Variants in KAT6A observed in about 807,000 individuals in gnomAD.
The protein encoded by KAT6A is lysine acetyltransferase 6A, also known as histone acetyltransferase KAT6A.
A neutral mutation model predicts 198.4 loss-of-function variants in KAT6A; 9 were observed. The ratio of observed to expected loss-of-function variants is 0.05; its 90% CI spans 0.03 to 0.08. The LOEUF is 0.08. Among genes scored for constraint, KAT6A ranks in the 10% least tolerant of loss-of-function variants. The pLI, the probability that KAT6A is intolerant of heterozygous loss-of-function variation, is 1.00. For missense variants in KAT6A, 2,077 were observed against 2,509.9 expected (o/e 0.83, Z 3.69); for synonymous variants, 890 against 883.0 (o/e 1.01, Z -0.14).
chr8:41,933,398 G>T lies in KAT6A; in HGVS notation c.4822C>A (p.Gln1608Lys). The T allele has an allele frequency of 6.2e-7, 1 of 1,608,790 alleles. No homozygotes were observed. ...LTQSSCVVTQ[Q>K]MASMGSSCSM... is the part of the protein sequence containing the mutation. ...CAGCTGCTGCCCATGCTGGCCATCT[G>T]CTGAGTGACCACACAGCTGCTCTGG... is the stretch of plus-strand genomic sequence containing the variant. The change falls in exon 17 of 17, where the codon CAG (glutamine) becomes AAG (lysine). Residue 1608 changes from glutamine to lysine, a missense_variant. By Grantham distance (53) the Gln-to-Lys change is moderately conservative. Coordinates refer to ENST00000265713, the MANE Select transcript of KAT6A (RefSeq NM_006766.5). The surrounding 1 kb of genome is among the most constrained non-coding windows in gnomAD (Gnocchi z 6.2).
At chr8:41,955,550 A>AT (rs1167384216) in intron 8 of KAT6A, 139 bp from the exon 9 acceptor site, 10 of 590,558 alleles carry the variant, frequency 1.7e-5, no homozygotes, top group Admixed American at 3.4e-5. Context: ...AAGCTAACAT[A>AT]TTTTGAAATA....
intron 2 of KAT6A, among the ~76,000 whole-genome samples, chr8:42,044,790 G>A (rs1393592006): frequency 1.3e-5 from 2 of 152,162 alleles, no homozygotes; most frequent in Non-Finnish European, 2.9e-5. Flanking sequence ...GGTGCTCAAT[G>A]ACTATATGCT....
chr8:41,985,840 GGTT>G (rs1367753653), intron 3 of KAT6A, among the ~76,000 whole-genome samples: 1 of 152,108 alleles, frequency 6.6e-6, no homozygotes, highest in Non-Finnish European at 1.5e-5. Context: ...ACTAAATCAT[GGTT>G]GTTATCACTA....
At chr8:42,007,719 T>C (rs1209735343) in intron 2 of KAT6A, among the ~76,000 whole-genome samples, 1 of 152,092 alleles carries the variant, frequency 6.6e-6, no homozygotes, top group Non-Finnish European at 1.5e-5. Context: ...TCCCAGGGCT[T>C]TGGGAGGCCA....
At chr8:41,979,601 T>C (rs755624396) in intron 5 of KAT6A, among the ~76,000 whole-genome samples, 33 of 152,034 alleles carry the variant, frequency 2.2e-4, no homozygotes, top group Admixed American at 7.9e-4. Context: ...AAACCTTTCT[T>C]AGGACTCTTA....
chr8:42,051,174 G>A (rs1167843576), intron 1 of KAT6A, among the ~76,000 whole-genome samples: 1 of 152,154 alleles, frequency 6.6e-6, no homozygotes, highest in East Asian at 1.9e-4. Context: ...CTGGGGGCCG[G>A]CTCGAGGGCG....
At chr8:41,965,697 G>C (rs1332872298) in intron 8 of KAT6A, among the ~76,000 whole-genome samples, 2 of 152,190 alleles carry the variant, frequency 1.3e-5, no homozygotes, top group Admixed American at 1.3e-4. Context: ...TTTGAGATAA[G>C]ACAGGGTGGA....
At chr8:42,048,056 G>T (rs1022512819) in intron 2 of KAT6A, among the ~76,000 whole-genome samples, 1 of 151,596 alleles carries the variant, frequency 6.6e-6, no homozygotes, top group Admixed American at 6.6e-5. Context: ...AAAGTCTCAC[G>T]CTGGAGTACT....
At chr8:41,951,755 G>A (rs975623638) in intron 9 of KAT6A, among the ~76,000 whole-genome samples, 2 of 152,188 alleles carry the variant, frequency 1.3e-5, no homozygotes, top group Non-Finnish European at 2.9e-5. Flanking sequence ...AGTACCTTCT[G>A]GCTTCTGAAC....
chr8:42,028,667 T>TA (rs995396083), intron 2 of KAT6A, among the ~76,000 whole-genome samples: 1 of 152,066 alleles, frequency 6.6e-6, no homozygotes, highest in Non-Finnish European at 1.5e-5. Context: ...AATTGGGTCT[T>TA]AAAAAAAATC....
At position 41,934,921 on chromosome 8, in the gene KAT6A, G is replaced by C. The variant is rs1025680367; in HGVS notation, c.3353-54C>G. 5.0e-6 allele frequency: 7 copies of C among 1,392,588 alleles called. No homozygotes were observed. The African/African-American group carries it at 1.0e-4, about 20-fold the overall frequency. The allele number at this position is 1,392,588 out of a possible 1,614,324, so 86.3% of individuals were successfully genotyped here. A position where few individuals can be genotyped will look rare whatever the true frequency, so the allele number is the denominator to read the frequency against. On this transcript the variant is annotated intron_variant, in intron 16 of 16. Transcript: ENST00000265713. ...AGGTTACAAGGTCTTACATTTTCTAGTTCCTTCTTCCAAGACTAGCATATA... is the reference window on the plus strand; with the variant it reads ...AGGTTACAAGGTCTTACATTTTCTACTTCCTTCTTCCAAGACTAGCATATA...
intron 2 of KAT6A, among the ~76,000 whole-genome samples, chr8:42,028,293 T>A (rs1247412782): frequency 1.3e-5 from 2 of 152,216 alleles, no homozygotes; most frequent in Non-Finnish European, 2.9e-5. Flanking sequence ...TTGCTGATTT[T>A]CTGCACAGCT....
At chr8:42,031,493 A>G (rs1827121718) in intron 2 of KAT6A, among the ~76,000 whole-genome samples, 1 of 152,084 alleles carries the variant, frequency 6.6e-6, no homozygotes, top group Admixed American at 6.6e-5. Flanking sequence ...TGATGGTTTC[A>G]ATTATAAAAA....
intron 8 of KAT6A, among the ~76,000 whole-genome samples, chr8:41,956,548 AG>A (rs1444588710): frequency 1.3e-5 from 2 of 152,210 alleles, no homozygotes; most frequent in African/African-American, 2.4e-5. Flanking sequence ...ATCCGTTTAA[AG>A]AAGCCTCTTC....
chr8:42,003,506 C>G (rs1303431120), intron 2 of KAT6A, among the ~76,000 whole-genome samples: 1 of 151,338 alleles, frequency 6.6e-6, no homozygotes, highest in Non-Finnish European at 1.5e-5. Flanking sequence ...AAGTTATTAC[C>G]TTGGTGTTAC....
chr8:42,004,767 A>G (rs1050647389), intron 2 of KAT6A, among the ~76,000 whole-genome samples: 12 of 152,190 alleles, frequency 7.9e-5, no homozygotes, highest in African/African-American at 2.9e-4. Flanking sequence ...CTCTAATAAA[A>G]ATACAAAAAT....
chr8:41,938,280 C>T (rs1821945786), intron 15 of KAT6A, among the ~76,000 whole-genome samples: 3 of 152,212 alleles, frequency 2.0e-5, no homozygotes, highest in Non-Finnish European at 2.9e-5. Context: ...CCAGTCAAAG[C>T]ATTTATTCAT....
chr8:41,981,311 CCTT>C (rs1036750107), intron 4 of KAT6A, among the ~76,000 whole-genome samples: 10 of 152,030 alleles, frequency 6.6e-5, no homozygotes, highest in African/African-American at 1.7e-4. Context: ...GAGTGAGACT[CCTT>C]CTCAAAAAAA....
intron 2 of KAT6A, among the ~76,000 whole-genome samples, chr8:42,027,244 G>T (rs80193005): frequency 0.11 from 17,226 of 152,000 alleles, 1,237 homozygotes; most frequent in East Asian, 0.24. Flanking sequence ...GTTTTCTTTT[G>T]TTGTTGTTGT....
Sources: allele counts gnomAD v4.1 joint callset (sites outside exome capture counted in the v4.1 genomes callset), GRCh38; gene constraint gnomAD v4.1.1; non-coding constraint Gnocchi (gnomAD v3.1); transcripts MANE v1.5; gene names NCBI Gene and HGNC (gene_info 2026-07-23, HGNC 2026-07-21).